TRAF7: variants seen among roughly 807,000 people sequenced by gnomAD.
The protein encoded by TRAF7 is E3 ubiquitin-protein ligase TRAF7.
A neutral mutation model predicts 89.3 loss-of-function variants in TRAF7; 45 were observed. That is an observed-to-expected ratio of 0.50 (90% CI 0.40 to 0.65). The LOEUF (loss-of-function observed/expected upper bound fraction) is 0.65. TRAF7 is among the 30% of genes least tolerant of loss of function. The pLI is 0.00. For missense variants in TRAF7, 677 were observed against 918.1 expected (o/e 0.74, Z 3.39); for synonymous variants, 406 against 369.2 (o/e 1.10, Z -1.14).
In TRAF7 at chr16:2,173,530, C is replaced by G. The variant is rs749721671; in HGVS notation, c.1062C>G (p.Phe354Leu). The G allele has an allele frequency of 6.8e-6, 11 of 1,613,334 alleles. No individual in the cohort carries two copies. The South Asian group carries it at 9.9e-5, about 14-fold the overall frequency. ...QSKLSEDLME[F>L]RRDASMLNDE... Reference sequence around the variant, plus strand: ...AGCTCAGCGAGGACCTCATGGAGTTCCGGCGGGACGCATCCATGTTAAATG... The same window carrying G: ...AGCTCAGCGAGGACCTCATGGAGTTGCGGCGGGACGCATCCATGTTAAATG... Residue 354 changes from phenylalanine (F) to leucine (L), a missense_variant, in exon 11 of 21, where the codon TTC becomes TTG. Physicochemically the swap from Phe to Leu is conservative, Grantham distance 22. Coordinates refer to ENST00000326181, the MANE Select transcript of TRAF7 (RefSeq NM_032271.3).
chr16:2,168,448 G>A lies in TRAF7; in HGVS notation c.231+280G>A. The A allele has an allele frequency of 2.5e-6, 1 of 402,742 alleles. No homozygotes were observed. The highest frequency in any genetic ancestry group is 4.6e-6 in the Non-Finnish European group (1 of 219,594). The allele number at this position is 402,742 out of a possible 1,614,324, so 24.9% of individuals were successfully genotyped here. On this transcript the variant is annotated intron_variant, in intron 4 of 20. Transcript: ENST00000326181. The surrounding 1 kb of genome is among the most constrained non-coding windows in gnomAD (Gnocchi z 4.1). Reference sequence around the variant, plus strand: ...TGAGGCATATTTGGCTCCATCTTAAGGGAGGTGGAAACCACAGAAAGTTCA... The same window carrying A: ...TGAGGCATATTTGGCTCCATCTTAAAGGAGGTGGAAACCACAGAAAGTTCA...
At position 2,161,740 on chromosome 16, in the gene TRAF7, C is replaced by T. The variant is rs116875445; in HGVS notation, c.-38-2143C>T. On this transcript the variant is annotated intron_variant, in intron 1 of 20. Coordinates refer to ENST00000326181, the MANE Select transcript of TRAF7 (RefSeq NM_032271.3). This position sits in a 1 kb window ranked among gnomAD's most constrained non-coding sequence, Gnocchi z 5.2. ...GCCCTGCACTTCAGGCTATCAGGGC[C>T]TTACCCCAGCTGGGACATCCTCACC... is the stretch of plus-strand genomic sequence containing the variant. Among the ~76,000 whole-genome samples, 1 of 152,172 alleles carries T rather than the reference C, an allele frequency of 6.6e-6. No homozygotes were observed.
At chr16:2,164,165 C>CGCGCGCGCGT (rs1555465722) in intron 2 of TRAF7, among the ~76,000 whole-genome samples, 164 bp downstream of exon 2, 1 of 88,524 alleles carries the variant, frequency 1.1e-5, no homozygotes, top group African/African-American at 4.3e-5. Context: ...TGTGTGCGCG[C>CGCGCGCGCGT]GCGCGCGCGC....
In TRAF7 at chr16:2,162,682, G is replaced by A. The variant is rs956736858; in HGVS notation, c.-38-1201G>A. Among the ~76,000 whole-genome samples, 1 of 152,074 alleles carries A rather than the reference G, an allele frequency of 6.6e-6. No individual in the cohort carries two copies. The highest frequency in any genetic ancestry group is 1.5e-5 in the Non-Finnish European group (1 of 67,994). On this transcript the variant is annotated intron_variant, in intron 1 of 20. Transcript: ENST00000326181. The surrounding 1 kb of genome is among the most constrained non-coding windows in gnomAD (Gnocchi z 5.0). ...GCCCCCAGAGCAAGCTTGTTCTGAGGGCTCCTGCCTTGGGAGCTGAGCCCA... is the reference window on the plus strand; with the variant it reads ...GCCCCCAGAGCAAGCTTGTTCTGAGAGCTCCTGCCTTGGGAGCTGAGCCCA...
rs376059126 is a variant in TRAF7 at position 2,168,026 on chromosome 16, C to G, written c.140-51C>G. On this transcript the variant is annotated intron_variant, in intron 3 of 20. Transcript: ENST00000326181. The surrounding 1 kb of genome is among the most constrained non-coding windows in gnomAD (Gnocchi z 4.1). ...TATCCAGCATGGGCCCCACCTCCCC[C>G]ACATCTGCTGAGGGAGCCCCCACTG... 44 of 1,564,568 alleles carry G rather than the reference C, an allele frequency of 2.8e-5. No homozygotes were observed. In the African/African-American group the frequency reaches 3.1e-4, roughly 11 times the overall value.
At chr16:2,175,748 C>T in intron 17 of TRAF7, 86 bp from the exon 18 acceptor site, 1 of 1,593,402 alleles carries the variant, frequency 6.3e-7, no homozygotes, top group East Asian at 2.2e-5. Flanking sequence ...GGGTGGGCTG[C>T]CCAGCAGTGC....
chr16:2,164,594 G>T (rs1426265690), intron 2 of TRAF7, among the ~76,000 whole-genome samples: 2 of 134,044 alleles, frequency 1.5e-5, no homozygotes, highest in African/African-American at 5.8e-5. Context: ...TACGTGGCGC[G>T]GCCTGGTCGC....
chr16:2,174,010 G>C lies in TRAF7; in HGVS notation c.1225G>C (p.Asp409His). 6.2e-7 allele frequency: 1 copy of C among 1,613,744 alleles called. No individual in the cohort carries two copies. The highest frequency in any genetic ancestry group is 8.5e-7 in the Non-Finnish European group (1 of 1,180,018). ...VWCLCVYSMG[D>H]LLFSGSSDKT... Reference sequence around the variant, plus strand: ...GTGTCTCTGCGTCTACTCCATGGGTGACCTGCTCTTCAGTGGCTCCTCTGA... The same window carrying C: ...GTGTCTCTGCGTCTACTCCATGGGTCACCTGCTCTTCAGTGGCTCCTCTGA... Residue 409 changes from aspartate to histidine, a missense_variant, in exon 13 of 21, where the codon GAC (aspartate) becomes CAC (histidine). Asp to His is a moderately conservative substitution (Grantham distance 81). Coordinates refer to ENST00000326181, the MANE Select transcript of TRAF7 (RefSeq NM_032271.3).
In TRAF7 at chr16:2,163,997, C is replaced by T. The variant is rs1189829990; in HGVS notation, c.77C>T (p.Thr26Ile). ...PSNLPTPDVT[T>I]GTRMETTFGP... ...AATCTTCCCACCCCAGACGTCACCA[C>T]AGGGGTAAGGGTGTGCCCCTCTGCA... Residue 26 changes from threonine (T) to isoleucine (I), a missense_variant, in exon 2 of 21, where the codon ACA becomes ATA. Around this residue, in one of 6 missense-constraint regions of TRAF7, gnomAD observed 240 missense variants for 191.9 expected, o/e 1.25. Coordinates refer to ENST00000326181, the MANE Select transcript of TRAF7 (RefSeq NM_032271.3). The surrounding 1 kb of genome is among the most constrained non-coding windows in gnomAD (Gnocchi z 4.3). 6.2e-7 allele frequency: 1 copy of T among 1,611,202 alleles called. No individual in the cohort carries two copies. The highest frequency in any genetic ancestry group is 8.5e-7 in the Non-Finnish European group (1 of 1,179,012).
Position 2,170,643 on chromosome 16 carries a change from C to G in TRAF7, c.261C>G (p.Asp87Glu), listed in dbSNP as rs2093105267. The G allele has an allele frequency of 1.2e-6, 2 of 1,610,284 alleles. No homozygotes were observed. Among genetic ancestry groups the G allele is most frequent in the African/African-American group, 1.3e-5 (1 of 74,628 alleles). ...CCATCAGCACTCCCCGCCGCTCCGA[C>G]TCCGCCATCTCTGTCCGCTCCCTGC... ...MPPISTPRRSDSAISVRSLHS... is the reference protein window; with the variant it reads ...MPPISTPRRSESAISVRSLHS... The change falls in exon 5 of 21, where the codon GAC becomes GAG. Residue 87 changes from aspartate (D) to glutamate (E), a missense_variant. Asp to Glu is a conservative substitution (Grantham distance 45). Transcript: ENST00000326181.
chr16:2,175,928 G>C lies in TRAF7; in HGVS notation c.1721G>C (p.Cys574Ser), dbSNP rs2141297654. The C allele has an allele frequency of 1.9e-6, 3 of 1,613,442 alleles. No individual in the cohort carries two copies. The highest frequency in any genetic ancestry group is 2.5e-6 in the Non-Finnish European group (3 of 1,179,988). ...SIAVTNHHIV[C>S]GTYENLIHVW... ...GCTGTGACAAATCACCACATTGTCT[G>C]TGGCACCTACGAGAACCTCATCCAC... Residue 574 changes from cysteine to serine, a missense_variant, in exon 18 of 21, where the codon TGT becomes TCT. Cys to Ser is a moderately radical substitution (Grantham distance 112, BLOSUM62 -1). Around this residue, in one of 6 missense-constraint regions of TRAF7, gnomAD observed 160 missense variants for 263.7 expected, o/e 0.61. Coordinates refer to ENST00000326181, the MANE Select transcript of TRAF7 (RefSeq NM_032271.3).
In TRAF7 at chr16:2,175,634, C is replaced by G. The variant is rs747146071; in HGVS notation, c.1626+12C>G. On this transcript the variant is annotated intron_variant, in intron 17 of 20. Transcript: ENST00000326181. ...ACCAGACAATCAAGGTGCGCTTGGGCACACCTGGTGGCCACAGGGCCTTGC... is the reference window on the plus strand; with the variant it reads ...ACCAGACAATCAAGGTGCGCTTGGGGACACCTGGTGGCCACAGGGCCTTGC... 6.2e-7 allele frequency: 1 copy of G among 1,609,876 alleles called. No individual in the cohort carries two copies. Among genetic ancestry groups the G allele is most frequent in the Non-Finnish European group, 8.5e-7 (1 of 1,178,622 alleles).
rs534092413 is a variant in TRAF7, at chr16:2,164,207, G to A, written c.81+206G>A. 2.6e-5 allele frequency among the ~76,000 whole-genome samples: 4 copies of A among 151,336 alleles called. No individual in the cohort carries two copies. The East Asian group carries it at 5.8e-4, about 22-fold the overall frequency. On this transcript the variant is annotated intron_variant, in intron 2 of 20. Coordinates refer to ENST00000326181, the MANE Select transcript of TRAF7 (RefSeq NM_032271.3). ...ACGCGTGCGTGTGTGGTTGGGGCGTGTTAGTGCTGTGTGGCGCGGCCTGGT... is the reference window on the plus strand; with the variant it reads ...ACGCGTGCGTGTGTGGTTGGGGCGTATTAGTGCTGTGTGGCGCGGCCTGGT...
intron 4 of TRAF7, among the ~76,000 whole-genome samples, chr16:2,169,327 C>T (rs555126557): frequency 2.2e-4 from 34 of 152,278 alleles, no homozygotes; most frequent in African/African-American, 7.5e-4. Context: ...ACCTGTGTGC[C>T]GGGCGCTGTG....
chr16:2,164,139 G>GT (rs1555465685), intron 2 of TRAF7, 138 bp downstream of exon 2: 7 of 544,446 alleles, frequency 1.3e-5, no homozygotes, highest in African/African-American at 6.4e-5. Context: ...GGGGGGGTGT[G>GT]GTGTGTGTGT....
At chr16:2,165,811 G>T (rs764425237) in intron 2 of TRAF7, 68 bp from the exon 3 acceptor site, 1 of 1,581,366 alleles carries the variant, frequency 6.3e-7, no homozygotes, top group African/African-American at 1.3e-5. Flanking sequence ...GCATGTGAGT[G>T]GGCTCCACAT....
chr16:2,162,455 TGGAG>T lies in TRAF7; in HGVS notation c.-38-1426_-38-1423del, dbSNP rs2093061790. ...AAGGGACCCAGTCAGGAGGGACTGA[TGGAG>T]GAGGTACTGGAGCCAGCTGGGCTCA... is the stretch of plus-strand genomic sequence containing the variant. On this transcript the variant is annotated intron_variant, in intron 1 of 20. Coordinates refer to ENST00000326181, the MANE Select transcript of TRAF7 (RefSeq NM_032271.3). The surrounding 1 kb of genome is among the most constrained non-coding windows in gnomAD (Gnocchi z 5.0). Among the ~76,000 whole-genome samples, 1 of 152,054 alleles carries T rather than the reference TGGAG, an allele frequency of 6.6e-6. No homozygotes were observed. The highest frequency in any genetic ancestry group is 2.1e-4 in the South Asian group (1 of 4,828).
intron 5 of TRAF7, 56 bp from the exon 6 acceptor site, chr16:2,171,208 G>T: frequency 1.4e-6 from 2 of 1,437,168 alleles, no homozygotes; most frequent in South Asian, 1.2e-5. Context: ...TGCCTGGGTG[G>T]TGGCGGGGCT....
At chr16:2,171,724 G>T in intron 7 of TRAF7, 119 bp downstream of exon 7, 3 of 1,493,116 alleles carry the variant, frequency 2.0e-6, no homozygotes, top group Non-Finnish European at 2.8e-6. Context: ...CTCTGCTGGG[G>T]TTGGGATGGG....
Sources: gnomAD v4.1 joint callset for allele counts (sites outside exome capture counted in the v4.1 genomes callset) on GRCh38, gnomAD v4.1.1 for gene constraint, gnomAD v4.1.1 regional missense constraint, Gnocchi (gnomAD v3.1) non-coding constraint, MANE v1.5 for transcripts, NCBI Gene and HGNC (gene_info 2026-07-23, HGNC 2026-07-21) for gene names.